ANG: variants seen among roughly 807,000 people sequenced by gnomAD.
The protein encoded by ANG is angiogenin, also known as Homo sapiens epididymis luminal protein 168.
For synonymous variants in ANG, 74 were observed against 73.8 expected, an observed-to-expected ratio of 1.00 and a Z score of -0.02; for missense variants, 178 against 187.4, an observed-to-expected ratio of 0.95 and a Z score of 0.29.
At position 20,693,718 on chromosome 14, in the gene ANG, A is replaced by T; in HGVS notation, c.154A>T (p.Ser52Cys). The T allele has an allele frequency of 1.2e-6, 2 of 1,614,236 alleles. No individual in the cohort carries two copies. Among genetic ancestry groups the T allele is most frequent in the Non-Finnish European group, 1.7e-6 (2 of 1,180,048 alleles). ...GGGCCGGGATGACAGATACTGTGAAAGCATCATGAGGAGACGGGGCCTGAC... is the reference window on the plus strand; with the variant it reads ...GGGCCGGGATGACAGATACTGTGAATGCATCATGAGGAGACGGGGCCTGAC... ...PQGRDDRYCE[S>C]IMRRRGLTSP... The change falls in exon 2 of 2, where the codon AGC becomes TGC. Residue 52 changes from serine (S) to cysteine (C), a missense_variant. By Grantham distance (112) the Ser-to-Cys change is moderately radical. Coordinates refer to ENST00000397990, the MANE Select transcript of ANG (RefSeq NM_001097577.3).
upstream of ANG, chr14:20,684,208 A>T (rs1886311580): frequency 6.6e-6 from 1 of 152,288 alleles, no homozygotes; most frequent in African/African-American, 2.4e-5. Context: ...GCGAATAAGT[A>T]CGTGGCAGAT....
intron 1 of ANG, 116 bp from the exon 2 acceptor site, chr14:20,693,430 TG>T (rs1238541619): frequency 1.5e-5 from 20 of 1,326,622 alleles, no homozygotes; most frequent in South Asian, 3.6e-5. Flanking sequence ...ATATAAAATT[TG>T]GTGGTGGAAA....
intron 1 of ANG, among the ~76,000 whole-genome samples, chr14:20,690,423 G>A (rs1886685927): frequency 6.6e-6 from 1 of 152,006 alleles, no homozygotes; most frequent in Admixed American, 6.6e-5. Context: ...CAAACGATCT[G>A]TCTCTTACTG....
Position 20,693,669 on chromosome 14 carries a change from C to A in ANG, c.105C>A (p.Thr35=). The A allele has an allele frequency of 6.2e-7, 1 of 1,614,116 alleles. No homozygotes were observed. The highest frequency in any genetic ancestry group is 8.5e-7 in the Non-Finnish European group (1 of 1,180,014). Residue 35 remains threonine, a synonymous_variant, in exon 2 of 2, where the codon ACC becomes ACA. Coordinates refer to ENST00000397990, the MANE Select transcript of ANG (RefSeq NM_001097577.3). ...QDNSRYTHFL[T]QHYDAKPQGR... is the part of the protein sequence containing the mutation. Reference sequence around the variant, plus strand: ...ACTCCAGGTACACACACTTCCTGACCCAGCACTATGATGCCAAACCACAGG... The same window carrying A: ...ACTCCAGGTACACACACTTCCTGACACAGCACTATGATGCCAAACCACAGG...
chr14:20,688,761 C>G, upstream of ANG: 1 of 985,302 alleles, frequency 1.0e-6, no homozygotes, highest in Non-Finnish European at 1.2e-6. Flanking sequence ...ATAATCAGAA[C>G]CTGGAGAGGC....
chr14:20,685,069 C>A (rs1045522396), upstream of ANG, among the ~76,000 whole-genome samples: 11 of 152,184 alleles, frequency 7.2e-5, no homozygotes, highest in Non-Finnish European at 1.2e-4. Context: ...TGCACTTGCC[C>A]ACAACTAAGA....
At chr14:20,686,527 C>T (rs996886436), upstream of ANG, among the ~76,000 whole-genome samples, 2 of 152,202 alleles carry the variant, frequency 1.3e-5, no homozygotes, top group African/African-American at 4.8e-5. Flanking sequence ...TCTCTGTAAA[C>T]AGTTATTCCC....
chr14:20,690,950 C>A (rs1252428383), intron 1 of ANG, among the ~76,000 whole-genome samples: 2 of 152,202 alleles, frequency 1.3e-5, no homozygotes, highest in African/African-American at 4.8e-5. Context: ...AACCTGACAA[C>A]AGGTCGGTCT....
In ANG at chr14:20,688,817, G is replaced by A. The variant is rs189202844; in HGVS notation, c.-76G>A. 368 of 985,278 alleles carry A rather than the reference G, an allele frequency of 3.7e-4. 1 individual carries two copies. In the African/African-American group the frequency reaches 5.0e-3, roughly 13 times the overall value. 61.0% of individuals were successfully genotyped at this position (985,278 alleles called of 1,614,324 possible). On this transcript the variant is annotated 5_prime_UTR_variant, in exon 1 of 2. Transcript: ENST00000397990. ...AACCCATCTCCAGGAACAAACAGCT[G>A]GAACCCATCTCCCGTTGAAGGGAAA...
chr14:20,689,807 T>C (rs1371704690), intron 1 of ANG, among the ~76,000 whole-genome samples: 2 of 151,186 alleles, frequency 1.3e-5, no homozygotes, highest in African/African-American at 2.4e-5. Flanking sequence ...TCCCAGCTAC[T>C]TGGGAGGCTG....
chr14:20,685,896 CG>C (rs1177646013), upstream of ANG, among the ~76,000 whole-genome samples: 1 of 151,992 alleles, frequency 6.6e-6, no homozygotes, highest in Non-Finnish European at 1.5e-5. Context: ...AAAAATTAGC[CG>C]GGCACGGTGG....
chr14:20,688,924 A>G, intron 1 of ANG, 50 bp downstream of exon 1: 2 of 940,560 alleles, frequency 2.1e-6, no homozygotes, highest in Non-Finnish European at 2.5e-6. Context: ...CCATCCATCC[A>G]TTTTAATGAA....
At chr14:20,693,512 C>T (rs1886913998) in intron 1 of ANG, 35 bp from the exon 2 acceptor site, 3 of 1,605,404 alleles carry the variant, frequency 1.9e-6, no homozygotes, top group Non-Finnish European at 8.5e-7. Flanking sequence ...TGATGCTGTT[C>T]TTGGGTCTAC....
At position 20,693,825 on chromosome 14, in the gene ANG, C is replaced by A. The variant is rs770801799; in HGVS notation, c.261C>A (p.Asn87Lys). 21 of 1,614,076 alleles carry A rather than the reference C, an allele frequency of 1.3e-5. No homozygotes were observed. Among genetic ancestry groups the A allele is most frequent in the Middle Eastern group, 1.6e-4 (1 of 6,084 alleles). Residue 87 changes from asparagine to lysine, a missense_variant, in exon 2 of 2, where the codon AAC (asparagine) becomes AAA (lysine). Coordinates refer to ENST00000397990, the MANE Select transcript of ANG (RefSeq NM_001097577.3). ...IKAICENKNG[N>K]PHRENLRISK... The stretch of plus-strand genomic sequence containing the variant: ...CCATCTGTGAAAACAAGAATGGAAA[C>A]CCTCACAGAGAAAACCTAAGAATAA...
rs747686507 is a variant in ANG, at chr14:20,693,714, T to G, written c.150T>G (p.Cys50Trp). Residue 50 changes from cysteine to tryptophan, a missense_variant, in exon 2 of 2, where the codon TGT (cysteine) becomes TGG (tryptophan). Cys to Trp is a radical substitution (Grantham distance 215). Coordinates refer to ENST00000397990, the MANE Select transcript of ANG (RefSeq NM_001097577.3). ...AKPQGRDDRY[C>W]ESIMRRRGLT... ...CACAGGGCCGGGATGACAGATACTG[T>G]GAAAGCATCATGAGGAGACGGGGCC... is the stretch of plus-strand genomic sequence containing the variant. 6.2e-7 allele frequency: 1 copy of G among 1,614,098 alleles called. No individual in the cohort carries two copies. Among genetic ancestry groups the G allele is most frequent in the Non-Finnish European group, 8.5e-7 (1 of 1,180,014 alleles).
upstream of ANG, among the ~76,000 whole-genome samples, chr14:20,688,230 G>C (rs1325274589): frequency 1.3e-5 from 2 of 152,090 alleles, no homozygotes; most frequent in Non-Finnish European, 2.9e-5. Flanking sequence ...GGGAGGGGCA[G>C]TGTACTAATA....
In ANG at chr14:20,688,807, A is replaced by G. The variant is rs931866091; in HGVS notation, c.-86A>G. On this transcript the variant is annotated 5_prime_UTR_variant, in exon 1 of 2. Coordinates refer to ENST00000397990, the MANE Select transcript of ANG (RefSeq NM_001097577.3). Reference sequence around the variant, plus strand: ...ACACAACTGGAACCCATCTCCAGGAACAAACAGCTGGAACCCATCTCCCGT... The same window carrying G: ...ACACAACTGGAACCCATCTCCAGGAGCAAACAGCTGGAACCCATCTCCCGT... 11 of 985,434 alleles carry G rather than the reference A, an allele frequency of 1.1e-5. No individual in the cohort carries two copies. The Admixed American group carries it at 6.8e-4, about 60-fold the overall frequency. The allele number at this position is 985,434 out of a possible 1,614,324, so 61.0% of individuals were successfully genotyped here.
At chr14:20,688,341 T>C (rs1008649405), upstream of ANG, among the ~76,000 whole-genome samples, 5 of 152,184 alleles carry the variant, frequency 3.3e-5, no homozygotes, top group African/African-American at 1.2e-4. Context: ...TGTGATACGA[T>C]AAATAGGATG....
chr14:20,687,589 T>G (rs1032157237), upstream of ANG, among the ~76,000 whole-genome samples: 16 of 152,228 alleles, frequency 1.1e-4, no homozygotes, highest in African/African-American at 3.9e-4. Context: ...TTCTCCTTGC[T>G]TATGAAGGGT....
Sources: allele counts gnomAD v4.1 joint callset (sites outside exome capture counted in the v4.1 genomes callset), GRCh38; gene constraint gnomAD v4.1.1; transcripts MANE v1.5; gene names NCBI Gene and HGNC (gene_info 2026-07-23, HGNC 2026-07-21).